The following MTRF1 variants were observed in gnomAD, a reference collection of about 807,000 sequenced individuals.
MTRF1 encodes the protein peptide chain release factor 1, mitochondrial.
In MTRF1, 51 loss-of-function variants were observed where a neutral mutation model predicts 62.9. The observed-to-expected ratio is 0.81, with a 90% CI of 0.65 to 1.02. The LOEUF (loss-of-function observed/expected upper bound fraction) is 1.02, where lower values mean the gene tolerates loss of function less well. Ranked by LOEUF, MTRF1 falls within the 50% of genes least tolerant of loss-of-function variation. The probability of loss-of-function intolerance (pLI) is 0.00; values close to 1 mark genes in which losing one functional copy is unlikely to be tolerated. For missense variants in MTRF1, 446 were observed against 530.0 expected (o/e 0.84, Z 1.56); for synonymous variants, 158 against 181.9 (o/e 0.87, Z 1.06).
At chr13:41,241,619 G>C (rs193131001) in intron 5 of MTRF1, among the ~76,000 whole-genome samples, 13 of 152,180 alleles carry the variant, frequency 8.5e-5, no homozygotes, top group Non-Finnish European at 1.8e-4. Flanking sequence ...GTTTAGTCCT[G>C]CCCATTTAAA....
the MTRF1 span, among the ~76,000 whole-genome samples, chr13:41,306,621 C>T: frequency 1.3e-5 from 2 of 152,148 alleles, no homozygotes; most frequent in African/African-American, 2.4e-5. Context: ...ATTCTTCTCT[C>T]CTTGTCTTTA....
At position 41,236,120 on chromosome 13, in the gene MTRF1, G is replaced by GTT. The variant is rs397757094; in HGVS notation, c.871-2115_871-2114dup. On this transcript the variant is annotated intron_variant, in intron 6 of 9. Coordinates refer to ENST00000379480, the MANE Select transcript of MTRF1 (RefSeq NM_004294.4). ...TTTTGTTTTGTTTTTGTTTTTTTTG[G>GTT]TTTTTTTTTGGAGACAAGAGTCTTG... 1.1e-3 allele frequency: 156 copies of GTT among 146,800 alleles called. 1 individual carries two copies. In the East Asian group the frequency reaches 0.019, roughly 18 times the overall value. The allele number at this position is 146,800 out of a possible 1,614,324, so 9.1% of individuals were successfully genotyped here. A position where few individuals can be genotyped will look rare whatever the true frequency, so the allele number is the denominator to read the frequency against.
chr13:41,236,963 A>C (rs527810905), intron 6 of MTRF1, among the ~76,000 whole-genome samples: 1 of 152,180 alleles, frequency 6.6e-6, no homozygotes, highest in Non-Finnish European at 1.5e-5. Flanking sequence ...CACGCCTGTA[A>C]TCTCAGCACT....
chr13:41,230,357 C>G (rs1033459630), intron 7 of MTRF1, among the ~76,000 whole-genome samples: 3 of 150,390 alleles, frequency 2.0e-5, no homozygotes, highest in Non-Finnish European at 4.4e-5. Flanking sequence ...CTCTGCCTCC[C>G]AGGTTCAAGC....
the MTRF1 span, among the ~76,000 whole-genome samples, chr13:41,268,722 A>C: frequency 6.6e-6 from 1 of 152,228 alleles, no homozygotes; most frequent in Admixed American, 6.5e-5. Flanking sequence ...GAAAACCAAA[A>C]ACAAGATGCA....
the MTRF1 span, among the ~76,000 whole-genome samples, chr13:41,290,379 G>A: frequency 2.0e-5 from 3 of 147,410 alleles, no homozygotes; most frequent in African/African-American, 5.0e-5. Context: ...GATTACAGGC[G>A]TGAGCCACCA....
chr13:41,249,292 A>G (rs1053960799), intron 5 of MTRF1, among the ~76,000 whole-genome samples: 1 of 152,208 alleles, frequency 6.6e-6, no homozygotes, highest in African/African-American at 2.4e-5. Flanking sequence ...CTGTAATCCC[A>G]GTACTTTGGG....
chr13:41,277,112 GC>G, the MTRF1 span, among the ~76,000 whole-genome samples: 1 of 151,286 alleles, frequency 6.6e-6, no homozygotes, highest in Non-Finnish European at 1.5e-5. Flanking sequence ...GTTGTGGCTG[GC>G]CTCACATCAA....
the MTRF1 span, among the ~76,000 whole-genome samples, chr13:41,310,852 ACT>A: frequency 6.6e-6 from 1 of 152,108 alleles, no homozygotes; most frequent in Non-Finnish European, 1.5e-5. Context: ...AATGCAAAAA[ACT>A]CTGACTCTTC....
In MTRF1 at chr13:41,252,962, T is replaced by C; in HGVS notation, c.576A>G (p.Gly192=). ...AAGTTTACTGACCTCCAGTAGTCCT[T>C]CCAGCTGTCACCTCTAAAATAACAT... ...KNDVILEVTA[G]RTTGGDICQQ... is the part of the protein sequence containing the mutation. The change falls in exon 4 of 10, where the codon GGA becomes GGG. Residue 192 remains glycine, a synonymous_variant. Transcript: ENST00000379480. The C allele has an allele frequency of 1.2e-6, 2 of 1,604,804 alleles. No individual in the cohort carries two copies. Among genetic ancestry groups the C allele is most frequent in the Non-Finnish European group, 1.7e-6 (2 of 1,175,356 alleles).
chr13:41,217,037 A>C lies in MTRF1; in HGVS notation c.*78T>G. ...AAGCTGTAATTTACAAATATTCATAATGATTTCCAAGCTTCAGTCTGCCTC... is the reference window on the plus strand; with the variant it reads ...AAGCTGTAATTTACAAATATTCATACTGATTTCCAAGCTTCAGTCTGCCTC... On this transcript the variant is annotated 3_prime_UTR_variant, in exon 10 of 10. Transcript: ENST00000379480. The C allele has an allele frequency of 1.4e-6, 1 of 730,200 alleles. No homozygotes were observed. The highest frequency in any genetic ancestry group is 2.2e-5 in the South Asian group (1 of 44,772). The allele number at this position is 730,200 out of a possible 1,614,324, so 45.2% of individuals were successfully genotyped here.
intron 2 of MTRF1, among the ~76,000 whole-genome samples, chr13:41,255,258 T>G (rs2039557402): frequency 6.6e-6 from 1 of 152,142 alleles, no homozygotes; most frequent in Non-Finnish European, 1.5e-5. Flanking sequence ...TTGCCCAGGC[T>G]GGAGTAGCTA....
intron 9 of MTRF1, among the ~76,000 whole-genome samples, chr13:41,222,468 G>A (rs1461516329): frequency 2.8e-4 from 43 of 152,118 alleles, no homozygotes; most frequent in Non-Finnish European, 4.4e-5. Context: ...GTGCAGACAG[G>A]ACCTGTGAAA....
chr13:41,254,034 T>C (rs1162600125), intron 3 of MTRF1, among the ~76,000 whole-genome samples: 1 of 152,216 alleles, frequency 6.6e-6, no homozygotes, highest in Non-Finnish European at 1.5e-5. Flanking sequence ...CTAGGAGATA[T>C]CAGCTGATGC....
At chr13:41,291,019 G>A in the MTRF1 span, among the ~76,000 whole-genome samples, 9 of 151,352 alleles carry the variant, frequency 5.9e-5, no homozygotes, top group Admixed American at 2.6e-4. Flanking sequence ...TTGTTTGAAC[G>A]TGGGAGGCGG....
chr13:41,266,167 G>A (rs536386296), upstream of MTRF1, among the ~76,000 whole-genome samples: 1 of 149,572 alleles, frequency 6.7e-6, no homozygotes, highest in East Asian at 2.1e-4. Flanking sequence ...TTTAAATAGA[G>A]ATGGGGGTCT....
At position 41,253,061 on chromosome 13, in the gene MTRF1, T is replaced by C. The variant is rs769280877; in HGVS notation, c.508-31A>G. On this transcript the variant is annotated intron_variant, in intron 3 of 9. Transcript: ENST00000379480. ...ATAAAAATCAGCATTTGTGTGTATA[T>C]TTTCCCCGGTACACTATTACTGAAT... The C allele has an allele frequency of 3.0e-5, 44 of 1,486,100 alleles. No homozygotes were observed. In the African/African-American group the frequency reaches 6.2e-4, roughly 21 times the overall value. The allele number at this position is 1,486,100 out of a possible 1,614,324, so 92.1% of individuals were successfully genotyped here.
At chr13:41,234,826 C>T (rs948395637) in intron 6 of MTRF1, among the ~76,000 whole-genome samples, 3 of 152,158 alleles carry the variant, frequency 2.0e-5, no homozygotes, top group African/African-American at 7.2e-5. Context: ...CTTGTGGCAG[C>T]TCTCCTACAG....
chr13:41,287,661 A>G, the MTRF1 span: 1 of 154,424 alleles, frequency 6.5e-6, no homozygotes, highest in Non-Finnish European at 1.5e-5. Flanking sequence ...TTTGGCATTG[A>G]GTGAGAAGGC....
Sources: allele counts gnomAD v4.1 joint callset (sites outside exome capture counted in the v4.1 genomes callset), GRCh38; gene constraint gnomAD v4.1.1; transcripts MANE v1.5; gene names NCBI Gene and HGNC (gene_info 2026-07-23, HGNC 2026-07-21).